The following ZNF804A variants were observed in gnomAD, a reference collection of about 807,000 sequenced individuals.
ZNF804A encodes the protein zinc finger protein 804A.
In ZNF804A, 2 loss-of-function variants were observed where a neutral mutation model predicts 16.5. The observed-to-expected ratio is 0.12, with a 90% confidence interval of 0.05 to 0.38. The LOEUF (loss-of-function observed/expected upper bound fraction) is 0.38, where lower values mean the gene tolerates loss of function less well. Among genes scored for constraint, ZNF804A ranks in the 10% least tolerant of loss-of-function variants. ZNF804A has a pLI of 0.99. For missense variants in ZNF804A, 1,473 were observed against 1,390.7 expected (o/e 1.06, Z -0.94); for synonymous variants, 534 against 489.6 (o/e 1.09, Z -1.20).
At chr2:184,807,765 A>G (rs979563116) in intron 1 of ZNF804A, among the ~76,000 whole-genome samples, 1 of 151,724 alleles carries the variant, frequency 6.6e-6, no homozygotes, top group Admixed American at 6.6e-5. Context: ...ATTGTTTATA[A>G]TTAAGTTTCC....
At chr2:184,767,430 A>T (rs1694144927) in intron 1 of ZNF804A, among the ~76,000 whole-genome samples, 1 of 152,086 alleles carries the variant, frequency 6.6e-6, no homozygotes, top group Non-Finnish European at 1.5e-5. Flanking sequence ...AGAATGAGTT[A>T]CCACGGGTTT....
intron 1 of ZNF804A, among the ~76,000 whole-genome samples, chr2:184,643,907 G>C (rs536131014): frequency 4.0e-4 from 60 of 151,546 alleles, no homozygotes; most frequent in African/African-American, 1.4e-3. Context: ...CCATGCATTC[G>C]TGTATCCTAT....
At chr2:184,660,198 A>C (rs1411543566) in intron 1 of ZNF804A, among the ~76,000 whole-genome samples, 1 of 152,234 alleles carries the variant, frequency 6.6e-6, no homozygotes, top group Non-Finnish European at 1.5e-5. Flanking sequence ...CACAAAACAC[A>C]TAACATTTTG....
chr2:184,909,275 T>C (rs1008271203), intron 2 of ZNF804A, among the ~76,000 whole-genome samples: 4 of 152,102 alleles, frequency 2.6e-5, no homozygotes, highest in African/African-American at 9.7e-5. Flanking sequence ...TTAAGTACTT[T>C]ATTAGCTGCT....
intron 1 of ZNF804A, among the ~76,000 whole-genome samples, chr2:184,734,936 C>G (rs1446671159): frequency 1.3e-5 from 2 of 152,140 alleles, no homozygotes; most frequent in African/African-American, 2.4e-5. Flanking sequence ...TCTCCAATAA[C>G]TTTTCTTGCC....
intron 1 of ZNF804A, among the ~76,000 whole-genome samples, chr2:184,619,892 T>G (rs1254629642): frequency 6.6e-6 from 1 of 151,898 alleles, no homozygotes; most frequent in Admixed American, 6.6e-5. Context: ...CAAAAATGTG[T>G]TTCACATTAT....
chr2:184,939,050 T>A lies in ZNF804A; in HGVS notation c.*24T>A. The A allele has an allele frequency of 6.2e-7, 1 of 1,604,780 alleles. No individual in the cohort carries two copies. ...AGTCATCACCATAATGGGAAAAAAA[T>A]ACTCTTGTGAAAACTATTGCTATAT... On this transcript the variant is annotated 3_prime_UTR_variant, in exon 4 of 4. Coordinates refer to ENST00000302277, the MANE Select transcript of ZNF804A (RefSeq NM_194250.2).
chr2:184,822,499 C>A (rs1695100349), intron 1 of ZNF804A, among the ~76,000 whole-genome samples: 2 of 151,940 alleles, frequency 1.3e-5, no homozygotes, highest in Admixed American at 1.3e-4. Flanking sequence ...ACACATTTAC[C>A]CATGTACCCT....
At chr2:184,711,432 A>G (rs1334814720) in intron 1 of ZNF804A, among the ~76,000 whole-genome samples, 3 of 151,688 alleles carry the variant, frequency 2.0e-5, no homozygotes, top group African/African-American at 7.3e-5. Context: ...ATGTTTTGCA[A>G]ATATTTTCTC....
intron 1 of ZNF804A, among the ~76,000 whole-genome samples, chr2:184,858,057 C>T (rs1695731226): frequency 6.6e-6 from 1 of 152,014 alleles, no homozygotes; most frequent in South Asian, 2.1e-4. Flanking sequence ...GATGCCTTCC[C>T]TTCCATTGTG....
At chr2:184,756,990 A>C (rs1693969030) in intron 1 of ZNF804A, among the ~76,000 whole-genome samples, 1 of 152,020 alleles carries the variant, frequency 6.6e-6, no homozygotes, top group Admixed American at 6.6e-5. Context: ...AGGTTTAATC[A>C]GCAACTTCAG....
At chr2:184,647,789 A>T (rs1691907601) in intron 1 of ZNF804A, among the ~76,000 whole-genome samples, 1 of 152,240 alleles carries the variant, frequency 6.6e-6, no homozygotes, top group South Asian at 2.1e-4. Flanking sequence ...GAAAGAAAAA[A>T]GGTAAACCAC....
chr2:184,643,468 C>T (rs1212855439), intron 1 of ZNF804A, among the ~76,000 whole-genome samples: 15 of 151,856 alleles, frequency 9.9e-5, no homozygotes, highest in Admixed American at 9.8e-4. Context: ...ATTGTAGTTA[C>T]TATTAATTCC....
intron 1 of ZNF804A, among the ~76,000 whole-genome samples, chr2:184,773,866 G>C (rs1694252172): frequency 6.6e-6 from 1 of 151,786 alleles, no homozygotes; most frequent in Non-Finnish European, 1.5e-5. Context: ...ACAGCAAGAG[G>C]GGAGCCAACA....
At chr2:184,723,887 G>A (rs1171490719) in intron 1 of ZNF804A, among the ~76,000 whole-genome samples, 2 of 151,492 alleles carry the variant, frequency 1.3e-5, no homozygotes, top group East Asian at 1.9e-4. Flanking sequence ...TGTATTAGAA[G>A]GACAGATACA....
At chr2:184,790,957 A>G (rs1246025972) in intron 1 of ZNF804A, among the ~76,000 whole-genome samples, 3 of 152,014 alleles carry the variant, frequency 2.0e-5, no homozygotes, top group Non-Finnish European at 4.4e-5. Context: ...CGTGTTGTTG[A>G]TATAAAGTCT....
At chr2:184,650,699 A>G (rs746788609) in intron 1 of ZNF804A, among the ~76,000 whole-genome samples, 1 of 152,094 alleles carries the variant, frequency 6.6e-6, no homozygotes, top group Non-Finnish European at 1.5e-5. Flanking sequence ...AAACTGAAAC[A>G]AAACAAAACA....
intron 1 of ZNF804A, among the ~76,000 whole-genome samples, chr2:184,731,194 T>TGAGCTGAG (rs1693509740): frequency 8.1e-6 from 1 of 123,636 alleles, no homozygotes; most frequent in Non-Finnish European, 1.6e-5. Flanking sequence ...GAGGTTGCAG[T>TGAGCTGAG]GAGCTGAGAT....
Position 184,676,295 on chromosome 2 carries a change from C to CTT in ZNF804A, c.111+77234_111+77235dup, listed in dbSNP as rs34355159. ...GCTAGGATATAGATATCTTGCTTCACTTTTTTTTTTCCAAATCTTAAAAGT... is the reference window on the plus strand; with the variant it reads ...GCTAGGATATAGATATCTTGCTTCACTTTTTTTTTTTTCCAAATCTTAAAAGT... On this transcript the variant is annotated intron_variant, in intron 1 of 3. Transcript: ENST00000302277. Among the ~76,000 whole-genome samples, 387 of 149,230 alleles carry CTT rather than the reference C, an allele frequency of 2.6e-3. 2 individuals carry two copies. Among genetic ancestry groups the CTT allele is most frequent in the African/African-American group, 8.6e-3 (351 of 41,000 alleles).
Sources: gnomAD v4.1 joint callset for allele counts (sites outside exome capture counted in the v4.1 genomes callset) on GRCh38, gnomAD v4.1.1 for gene constraint, MANE v1.5 for transcripts, NCBI Gene and HGNC (gene_info 2026-07-23, HGNC 2026-07-21) for gene names.